BLTP3A: variants seen among roughly 807,000 people sequenced by gnomAD.
BLTP3A encodes bridge-like lipid transfer protein family member 3A.
chr6:34,855,726 C>T, the BLTP3A span: 1 of 1,612,692 alleles, frequency 6.2e-7, no homozygotes, highest in Non-Finnish European at 8.5e-7. Flanking sequence ...CTGAATGGGG[C>T]CAATTCTCGC....
the BLTP3A span, among the ~76,000 whole-genome samples, chr6:34,866,153 C>G: frequency 6.6e-6 from 1 of 152,188 alleles, no homozygotes; most frequent in South Asian, 2.1e-4. Context: ...GTACCTCACG[C>G]GTGTAATCCC....
the BLTP3A span, among the ~76,000 whole-genome samples, chr6:34,829,027 CAAAAAAAAAA>C: frequency 1.6e-4 from 8 of 50,728 alleles, no homozygotes; most frequent in Admixed American, 1.2e-3. Flanking sequence ...AACTCCATCT[CAAAAAAAAAA>C]AAAAAAAAAA....
At chr6:34,871,517 A>C in the BLTP3A span, 1 of 1,477,902 alleles carries the variant, frequency 6.8e-7, no homozygotes, top group Non-Finnish European at 9.4e-7. Context: ...GAATGATGGG[A>C]GCATGGGTTG....
chr6:34,812,208 A>C, the BLTP3A span, among the ~76,000 whole-genome samples: 1 of 151,744 alleles, frequency 6.6e-6, no homozygotes, highest in African/African-American at 2.4e-5. Context: ...GGTGCCTGTA[A>C]TCCCAACTAC....
the BLTP3A span, among the ~76,000 whole-genome samples, chr6:34,806,233 C>T: frequency 6.6e-6 from 1 of 152,208 alleles, no homozygotes; most frequent in East Asian, 1.9e-4. Context: ...TTGACGTAGA[C>T]TAAATGTCCC....
the BLTP3A span, among the ~76,000 whole-genome samples, chr6:34,816,211 A>G: frequency 6.6e-6 from 1 of 152,230 alleles, no homozygotes; most frequent in Non-Finnish European, 1.5e-5. Context: ...AGCTAACAGT[A>G]TAACTTATTC....
chr6:34,832,183 G>A, the BLTP3A span, among the ~76,000 whole-genome samples: 1 of 148,354 alleles, frequency 6.7e-6, no homozygotes, highest in African/African-American at 2.5e-5. Flanking sequence ...GCAGTGTCAC[G>A]ATCACAGCTC....
At chr6:34,823,266 A>G in the BLTP3A span, 1 of 1,613,826 alleles carries the variant, frequency 6.2e-7, no homozygotes, top group Non-Finnish European at 8.5e-7. Flanking sequence ...GTGTCTGGAT[A>G]AGGTAGAGGT....
At chr6:34,813,902 G>C in the BLTP3A span, among the ~76,000 whole-genome samples, 1 of 152,172 alleles carries the variant, frequency 6.6e-6, no homozygotes, top group Admixed American at 6.5e-5. Flanking sequence ...GCTGAAACTT[G>C]GGCCTCTTAT....
At chr6:34,856,797 T>C in the BLTP3A span, 2 of 1,613,106 alleles carry the variant, frequency 1.2e-6, no homozygotes, top group Non-Finnish European at 1.7e-6. Context: ...TAGATTCTCT[T>C]TCCAGTCCTC....
chr6:34,861,199 C>T, the BLTP3A span, among the ~76,000 whole-genome samples: 2 of 151,832 alleles, frequency 1.3e-5, no homozygotes, highest in African/African-American at 4.8e-5. Context: ...GATCTCTGCT[C>T]ACTGCAGCCT....
the BLTP3A span, chr6:34,872,358 C>T: frequency 6.2e-7 from 1 of 1,612,786 alleles, no homozygotes; most frequent in South Asian, 1.1e-5. Context: ...AGAAACTAAA[C>T]AAGCCTTGGC....
the BLTP3A span, among the ~76,000 whole-genome samples, chr6:34,861,635 T>A: frequency 6.6e-6 from 1 of 152,254 alleles, no homozygotes; most frequent in African/African-American, 2.4e-5. Flanking sequence ...TATCCACAAA[T>A]ACTGTTTTTA....
chr6:34,810,651 G>A, the BLTP3A span, among the ~76,000 whole-genome samples: 1 of 151,946 alleles, frequency 6.6e-6, no homozygotes. Context: ...TTGTTTTTTT[G>A]TAGAGATGGG....
At chr6:34,827,695 C>A in the BLTP3A span, among the ~76,000 whole-genome samples, 5 of 152,034 alleles carry the variant, frequency 3.3e-5, no homozygotes, top group Non-Finnish European at 5.9e-5. Context: ...GCGGTGGCAC[C>A]ATCTCGGCTC....
At chr6:34,801,878 C>T in the BLTP3A span, among the ~76,000 whole-genome samples, 2 of 152,076 alleles carry the variant, frequency 1.3e-5, no homozygotes, top group African/African-American at 2.4e-5. Flanking sequence ...GCTGGGACTA[C>T]AGGCGCCCGC....
At chr6:34,818,091 C>T in the BLTP3A span, among the ~76,000 whole-genome samples, 1 of 152,100 alleles carries the variant, frequency 6.6e-6, no homozygotes, top group Non-Finnish European at 1.5e-5. Context: ...ATCTCCTGAC[C>T]TCGTGATCCG....
chr6:34,821,248 G>A, the BLTP3A span, among the ~76,000 whole-genome samples: 3 of 152,184 alleles, frequency 2.0e-5, no homozygotes, highest in South Asian at 2.1e-4. Flanking sequence ...GAGCCACTGC[G>A]CCCGGCTCCC....
chr6:34,832,906 AT>A, the BLTP3A span, among the ~76,000 whole-genome samples: 8 of 151,542 alleles, frequency 5.3e-5, no homozygotes, highest in South Asian at 2.1e-4. Flanking sequence ...CCAAATATAT[AT>A]TTTTTTTCAG....
Sources: allele counts gnomAD v4.1 joint callset (sites outside exome capture counted in the v4.1 genomes callset), GRCh38; gene constraint gnomAD v4.1.1; transcripts MANE v1.5; gene names NCBI Gene and HGNC (gene_info 2026-07-23, HGNC 2026-07-21).